The following CAST variants were observed in gnomAD, a reference collection of about 807,000 sequenced individuals.
CAST encodes MIR583 host.
CAST carries 76 observed loss-of-function variants against 119.6 expected under a neutral mutation model. The ratio of observed to expected loss-of-function variants is 0.64; its 90% CI spans 0.53 to 0.77. CAST has a LOEUF of 0.77. Among genes scored for constraint, CAST ranks in the 30% least tolerant of loss-of-function variants. The pLI, the probability that CAST is intolerant of heterozygous loss-of-function variation, is 0.00. For missense variants in CAST, 953 were observed against 946.5 expected (o/e 1.01, Z -0.09); for synonymous variants, 319 against 331.6 (o/e 0.96, Z 0.41).
the CAST span, among the ~76,000 whole-genome samples, chr5:96,464,023 G>A: frequency 0.068 from 10,339 of 152,126 alleles, 1,201 homozygotes; most frequent in African/African-American, 0.24. Context: ...GATTATGATT[G>A]AGGGTGAAGT....
intron 1 of CAST, among the ~76,000 whole-genome samples, chr5:96,605,074 A>G (rs1312515733): frequency 6.6e-6 from 1 of 152,166 alleles, no homozygotes; most frequent in Non-Finnish European, 1.5e-5. Context: ...GTTGACTCCA[A>G]GGTCTCTCAC....
intron 4 of CAST, among the ~76,000 whole-genome samples, chr5:96,723,465 C>T (rs1205257863): frequency 3.3e-5 from 5 of 152,104 alleles, no homozygotes; most frequent in South Asian, 2.1e-4. Flanking sequence ...CTGGTTATTT[C>T]GGATGCTTTC....
At chr5:96,629,862 G>C (rs960734066) in intron 1 of CAST, among the ~76,000 whole-genome samples, 3 of 152,214 alleles carry the variant, frequency 2.0e-5, no homozygotes, top group African/African-American at 7.2e-5. Context: ...GATTTTGGCA[G>C]AGATGAATTT....
the CAST span, among the ~76,000 whole-genome samples, chr5:96,092,848 C>T: frequency 6.6e-6 from 1 of 152,166 alleles, no homozygotes; most frequent in African/African-American, 2.4e-5. Context: ...TAGTGTCACC[C>T]AGTCCAACCC....
At chr5:96,601,932 G>A (rs1191225573) in intron 1 of CAST, among the ~76,000 whole-genome samples, 1 of 152,190 alleles carries the variant, frequency 6.6e-6, no homozygotes, top group Non-Finnish European at 1.5e-5. Context: ...ACTAAAAACT[G>A]CAGCAAAGGA....
chr5:96,519,734 G>A, the CAST span, among the ~76,000 whole-genome samples: 1 of 152,038 alleles, frequency 6.6e-6, no homozygotes, highest in African/African-American at 2.4e-5. Context: ...AGCCTCCCGA[G>A]TAGTTGGGAC....
chr5:96,705,805 C>G (rs1238553309), intron 3 of CAST, among the ~76,000 whole-genome samples: 1 of 152,092 alleles, frequency 6.6e-6, no homozygotes, highest in Non-Finnish European at 1.5e-5. Flanking sequence ...GATAATGTAG[C>G]TATGACGTAG....
At chr5:96,009,321 A>C in the CAST span, among the ~76,000 whole-genome samples, 1 of 152,186 alleles carries the variant, frequency 6.6e-6, no homozygotes, top group Non-Finnish European at 1.5e-5. Context: ...CTTCAGGCAG[A>C]TACTCAGTAG....
At chr5:95,961,600 G>A in the CAST span, 1 of 1,604,514 alleles carries the variant, frequency 6.2e-7, no homozygotes. Flanking sequence ...AGTCTCGAGC[G>A]CCCGGATCGC....
the CAST span, among the ~76,000 whole-genome samples, chr5:96,056,546 G>A: frequency 2.0e-5 from 3 of 152,126 alleles, no homozygotes; most frequent in African/African-American, 7.2e-5. Flanking sequence ...GGCATATTGA[G>A]TATGTGAGAT....
chr5:96,171,474 A>G, the CAST span, among the ~76,000 whole-genome samples: 1 of 152,042 alleles, frequency 6.6e-6, no homozygotes. Context: ...CGTCCCTGCA[A>G]TTGACTTGCC....
In CAST at chr5:96,722,190, A is replaced by G. The variant is rs1758403516; in HGVS notation, c.211-449A>G. On this transcript the variant is annotated intron_variant, in intron 3 of 31. Coordinates refer to ENST00000675179, the MANE Select transcript of CAST (RefSeq NM_001750.7). ...AATGGACCTGGAAGACAAAGCTCAAAGTCACAGAGCTTGTAACTGACAGAG... is the reference window on the plus strand; with the variant it reads ...AATGGACCTGGAAGACAAAGCTCAAGGTCACAGAGCTTGTAACTGACAGAG... Among the ~76,000 whole-genome samples, 3 of 152,228 alleles carry G rather than the reference A, an allele frequency of 2.0e-5. No homozygotes were observed. In the South Asian group the frequency reaches 6.2e-4, roughly 32 times the overall value.
At chr5:96,544,645 T>C (rs1328281378) in intron 1 of CAST, among the ~76,000 whole-genome samples, 2 of 151,888 alleles carry the variant, frequency 1.3e-5, no homozygotes, top group Non-Finnish European at 2.9e-5. Context: ...AGCTGAGAGA[T>C]AAAAATTGAA....
the CAST span, among the ~76,000 whole-genome samples, chr5:96,103,697 G>A: frequency 4.6e-5 from 7 of 151,646 alleles, no homozygotes; most frequent in Non-Finnish European, 7.4e-5. Flanking sequence ...ATGATTTATA[G>A]TCCTTTGGGT....
chr5:96,299,444 C>T, the CAST span, among the ~76,000 whole-genome samples: 28 of 152,252 alleles, frequency 1.8e-4, no homozygotes, highest in Non-Finnish European at 3.1e-4. Flanking sequence ...CTAACTGAAA[C>T]GGCTGGGGGA....
chr5:96,526,170 A>C (rs1745594982), upstream of CAST, among the ~76,000 whole-genome samples: 1 of 152,230 alleles, frequency 6.6e-6, no homozygotes, highest in Non-Finnish European at 1.5e-5. Context: ...AAGACAAAGT[A>C]ACAGGAGAAA....
At chr5:96,432,927 A>G in the CAST span, 1 of 1,614,094 alleles carries the variant, frequency 6.2e-7, no homozygotes, top group Non-Finnish European at 8.5e-7. Flanking sequence ...GCCCCCGGGG[A>G]TCTCCGCTGC....
At chr5:96,065,613 G>A in the CAST span, among the ~76,000 whole-genome samples, 1 of 152,066 alleles carries the variant, frequency 6.6e-6, no homozygotes, top group Non-Finnish European at 1.5e-5. Flanking sequence ...AAGTTGTAAA[G>A]CACTGTGCAA....
the CAST span, among the ~76,000 whole-genome samples, chr5:96,349,861 A>C: frequency 6.6e-6 from 1 of 152,132 alleles, no homozygotes; most frequent in Non-Finnish European, 1.5e-5. Flanking sequence ...AGAGAAATTG[A>C]AGGCAAGAAG....
Sources: allele counts gnomAD v4.1 joint callset (sites outside exome capture counted in the v4.1 genomes callset), GRCh38; gene constraint gnomAD v4.1.1; transcripts MANE v1.5; gene names NCBI Gene and HGNC (gene_info 2026-07-23, HGNC 2026-07-21).